Variants in PRPSAP1 observed in about 807,000 individuals in gnomAD.
PRPSAP1 encodes the protein phosphoribosyl pyrophosphate synthase-associated protein 1.
PRPSAP1 carries 31 observed loss-of-function variants against 39.4 expected under a neutral mutation model. That is an observed-to-expected ratio of 0.79 (90% CI 0.59 to 1.06). PRPSAP1 has a LOEUF of 1.06. PRPSAP1 is among the 50% of genes least tolerant of loss of function. The probability of loss-of-function intolerance (pLI) is 0.00; values close to 1 mark genes in which losing one functional copy is unlikely to be tolerated. For synonymous variants in PRPSAP1, 212 were observed against 192.6 expected, an observed-to-expected ratio of 1.10 and a Z score of -0.83; for missense variants, 430 against 511.6, an observed-to-expected ratio of 0.84 and a Z score of 1.54.
intron 4 of PRPSAP1, among the ~76,000 whole-genome samples, chr17:76,332,014 T>C (rs755315314): frequency 3.3e-5 from 5 of 151,726 alleles, no homozygotes; most frequent in Admixed American, 2.0e-4. Flanking sequence ...GATGACAAGA[T>C]GAAATAGAAA....
chr17:76,345,326 G>C (rs1003009538), intron 2 of PRPSAP1, among the ~76,000 whole-genome samples: 1 of 148,262 alleles, frequency 6.7e-6, no homozygotes, highest in African/African-American at 2.5e-5. Context: ...AATTAGCCAG[G>C]CATGGTGGCG....
chr17:76,348,583 T>C lies in PRPSAP1; in HGVS notation c.171-2A>G, dbSNP rs746648535. 10 of 1,526,714 alleles carry C rather than the reference T, an allele frequency of 6.6e-6. No homozygotes were observed. Among genetic ancestry groups the C allele is most frequent in the South Asian group, 1.3e-5 (1 of 74,328 alleles). The allele number at this position is 1,526,714 out of a possible 1,614,324, so 94.6% of individuals were successfully genotyped here. On this transcript the variant is annotated splice_acceptor_variant, in intron 1 of 9. Transcript: ENST00000446526. LOFTEE classifies it high-confidence loss of function. Reference sequence around the variant, plus strand: ...TTCCCCAATTCAGCACCAAGGCGCCTATAGATCAAAAAGAACAAAAAAGGG... The same window carrying C: ...TTCCCCAATTCAGCACCAAGGCGCCCATAGATCAAAAAGAACAAAAAAGGG...
rs137897981 is a variant in PRPSAP1, at chr17:76,315,841, A to T, written c.782-1950T>A. 5.8e-3 allele frequency among the ~76,000 whole-genome samples: 866 copies of T among 150,336 alleles called. 6 individuals carry two copies. The highest frequency in any genetic ancestry group is 0.02 in the African/African-American group (825 of 40,914). On this transcript the variant is annotated intron_variant, in intron 7 of 9. Coordinates refer to ENST00000446526, the MANE Select transcript of PRPSAP1 (RefSeq NM_002766.3). The stretch of plus-strand genomic sequence containing the variant: ...GCGATTCTCCTGCTTCAGCCTCCTA[A>T]GTAGCTGGGATTACAGGCACGTGCC...
At chr17:76,313,092 C>T (rs1191545797) in intron 8 of PRPSAP1, 76 bp from the exon 9 acceptor site, 1 of 1,489,642 alleles carries the variant, frequency 6.7e-7, no homozygotes, top group Non-Finnish European at 9.0e-7. Flanking sequence ...CACCACTCTA[C>T]TCTCTTCTGC....
intron 7 of PRPSAP1, among the ~76,000 whole-genome samples, chr17:76,317,711 TAAG>T (rs2071139956): frequency 6.6e-6 from 1 of 152,174 alleles, no homozygotes; most frequent in Non-Finnish European, 1.5e-5. Context: ...CTCGTGAAAT[TAAG>T]AAGCCAGGAA....
At chr17:76,330,452 C>A in intron 5 of PRPSAP1, 99 bp downstream of exon 5, 5 of 859,920 alleles carry the variant, frequency 5.8e-6, no homozygotes, top group Non-Finnish European at 9.1e-6. Flanking sequence ...TAAGGGAGAG[C>A]TCATTTGATG....
intron 7 of PRPSAP1, among the ~76,000 whole-genome samples, chr17:76,318,121 G>A (rs2071144392): frequency 6.6e-6 from 1 of 152,094 alleles, no homozygotes; most frequent in African/African-American, 2.4e-5. Flanking sequence ...TCACTGTGAG[G>A]CAAAACTCAC....
chr17:76,327,826 G>A (rs1049063972), intron 7 of PRPSAP1, among the ~76,000 whole-genome samples: 3 of 152,070 alleles, frequency 2.0e-5, no homozygotes, highest in African/African-American at 4.8e-5. Flanking sequence ...TGAGTGCTAC[G>A]CAGAACCGTC....
chr17:76,332,241 C>T (rs1305672709), intron 4 of PRPSAP1, 22 bp downstream of exon 4: 1 of 1,610,488 alleles, frequency 6.2e-7, no homozygotes, highest in South Asian at 1.1e-5. Flanking sequence ...GCTGGAACCC[C>T]AGGGCCCCCG....
At chr17:76,328,383 A>C (rs1292928632) in intron 7 of PRPSAP1, among the ~76,000 whole-genome samples, 1 of 152,108 alleles carries the variant, frequency 6.6e-6, no homozygotes, top group East Asian at 1.9e-4. Flanking sequence ...CCAGGTCTGG[A>C]GCAGATCACG....
chr17:76,317,425 G>A, intron 7 of PRPSAP1, among the ~76,000 whole-genome samples: 1 of 152,168 alleles, frequency 6.6e-6, no homozygotes, highest in East Asian at 1.9e-4. Flanking sequence ...TTGGGAGGCT[G>A]AGGCAGGAGA....
chr17:76,338,170 A>C (rs1470554840), intron 3 of PRPSAP1, among the ~76,000 whole-genome samples: 1 of 152,182 alleles, frequency 6.6e-6, no homozygotes, highest in Non-Finnish European at 1.5e-5. Flanking sequence ...AGTCAAAAGA[A>C]ATATGCTGCA....
rs1298365695 is a variant in PRPSAP1 at position 76,330,289 on chromosome 17, AT to A, written c.580-192del. The stretch of plus-strand genomic sequence containing the variant: ...TGGAAAAAGCACTCCTACGTCAAGA[AT>A]TTTTTAAAAATAATTCTTAAAACAT... On this transcript the variant is annotated intron_variant, in intron 5 of 9. Coordinates refer to ENST00000446526, the MANE Select transcript of PRPSAP1 (RefSeq NM_002766.3). 16 of 592,836 alleles carry A rather than the reference AT, an allele frequency of 2.7e-5. No individual in the cohort carries two copies. The South Asian group carries it at 3.5e-4, about 13-fold the overall frequency. 36.7% of individuals were successfully genotyped at this position (592,836 alleles called of 1,614,324 possible). A position where few individuals can be genotyped will look rare whatever the true frequency, so the allele number is the denominator to read the frequency against.
intron 9 of PRPSAP1, among the ~76,000 whole-genome samples, chr17:76,312,478 C>T (rs562192863): frequency 2.6e-5 from 4 of 151,528 alleles, no homozygotes; most frequent in African/African-American, 9.7e-5. Context: ...ACCTACTAAA[C>T]ATCATTAACT....
Position 76,311,652 on chromosome 17 carries a change from G to A in PRPSAP1, c.1048C>T (p.Pro350Ser). ...VPHEVQKLQCPKIKTVDISLI... is the reference protein window; with the variant it reads ...VPHEVQKLQCSKIKTVDISLI... ...CTGATATCCACAGTCTTTATCTTGGGACATTGCAGCTTCTGAACCTCATGA... is the reference window on the plus strand; with the variant it reads ...CTGATATCCACAGTCTTTATCTTGGAACATTGCAGCTTCTGAACCTCATGA... Residue 350 changes from proline to serine, a missense_variant, in exon 10 of 10, where the codon CCC (proline) becomes TCC (serine). By Grantham distance (74) the Pro-to-Ser change is moderately conservative. Coordinates refer to ENST00000446526, the MANE Select transcript of PRPSAP1 (RefSeq NM_002766.3). The A allele has an allele frequency of 6.2e-7, 1 of 1,614,072 alleles. No homozygotes were observed. The highest frequency in any genetic ancestry group is 8.5e-7 in the Non-Finnish European group (1 of 1,179,996).
At chr17:76,354,166 G>C (rs1384371364), upstream of PRPSAP1, 4 of 989,896 alleles carry the variant, frequency 4.0e-6, no homozygotes, top group East Asian at 1.1e-4. Context: ...GACCCAACAT[G>C]TCCGCCTCCG....
At chr17:76,318,063 C>T (rs1418513873) in intron 7 of PRPSAP1, among the ~76,000 whole-genome samples, 1 of 152,200 alleles carries the variant, frequency 6.6e-6, no homozygotes, top group Non-Finnish European at 1.5e-5. Flanking sequence ...AGCACCCCAG[C>T]TCCCATGGTT....
chr17:76,315,600 G>T (rs1166967103), intron 7 of PRPSAP1, among the ~76,000 whole-genome samples: 3 of 151,836 alleles, frequency 2.0e-5, no homozygotes, highest in Admixed American at 2.0e-4. Context: ...CACTTAAAAT[G>T]GGGGGAGGGG....
chr17:76,323,574 A>G (rs2071221087), intron 7 of PRPSAP1, among the ~76,000 whole-genome samples: 1 of 152,136 alleles, frequency 6.6e-6, no homozygotes, highest in Non-Finnish European at 1.5e-5. Flanking sequence ...TCCATGGTAG[A>G]AGTAACTGCA....
Sources: allele counts gnomAD v4.1 joint callset (sites outside exome capture counted in the v4.1 genomes callset), GRCh38; gene constraint gnomAD v4.1.1; transcripts MANE v1.5; gene names NCBI Gene and HGNC (gene_info 2026-07-23, HGNC 2026-07-21).